Variants in SLC25A33 observed in about 807,000 individuals in gnomAD.
SLC25A33 encodes bone marrow stromal cell mitochondrial carrier protein.
Under a neutral mutation model 35.5 loss-of-function variants are expected in SLC25A33, and 15 were observed. The ratio of observed to expected loss-of-function variants is 0.42; its 90% CI spans 0.28 to 0.65. The LOEUF is 0.65. SLC25A33 is among the 30% of genes least tolerant of loss of function. The pLI is 0.20. For synonymous variants in SLC25A33, 136 were observed against 148.7 expected, an observed-to-expected ratio of 0.91 and a Z score of 0.62; for missense variants, 257 against 398.5, an observed-to-expected ratio of 0.64 and a Z score of 3.02.
At chr1:9,556,361 TG>T in intron 2 of SLC25A33, 1 of 569,174 alleles carries the variant, frequency 1.8e-6, no homozygotes, top group Non-Finnish European at 2.2e-6. Context: ...CCCAAAAGTG[TG>T]GGTGTCAATA....
chr1:9,581,289 G>A (rs1200874859), intron 6 of SLC25A33, among the ~76,000 whole-genome samples: 2 of 152,184 alleles, frequency 1.3e-5, no homozygotes, highest in Admixed American at 6.5e-5. Flanking sequence ...GCTGGGCAGA[G>A]TAGAAAACGT....
At chr1:9,581,675 G>A (rs1643746499) in intron 6 of SLC25A33, among the ~76,000 whole-genome samples, 1 of 150,296 alleles carries the variant, frequency 6.7e-6, no homozygotes, top group African/African-American at 2.5e-5. Flanking sequence ...GTTGCAGTGA[G>A]CCAAGATCGT....
chr1:9,541,779 T>C (rs1643086413), intron 1 of SLC25A33, among the ~76,000 whole-genome samples: 1 of 151,426 alleles, frequency 6.6e-6, no homozygotes, highest in Admixed American at 6.6e-5. Context: ...TTTGACTTAC[T>C]GTTTTTAGTG....
At chr1:9,560,476 A>G (rs1444917789) in intron 2 of SLC25A33, among the ~76,000 whole-genome samples, 2 of 151,868 alleles carry the variant, frequency 1.3e-5, no homozygotes, top group Non-Finnish European at 2.9e-5. Flanking sequence ...AGGCAGGAGA[A>G]TGGCATGAAC....
chr1:9,564,170 G>A (rs1283005025), intron 2 of SLC25A33, among the ~76,000 whole-genome samples: 2 of 152,152 alleles, frequency 1.3e-5, no homozygotes, highest in Non-Finnish European at 2.9e-5. Context: ...GAATAACTGT[G>A]TTGCTGCGGA....
chr1:9,544,950 A>G (rs1241469184), intron 1 of SLC25A33, among the ~76,000 whole-genome samples: 2 of 152,174 alleles, frequency 1.3e-5, no homozygotes, highest in African/African-American at 4.8e-5. Context: ...AAATTTTATG[A>G]CTTCTGATCA....
In SLC25A33 at chr1:9,582,621, A is replaced by G. The variant is rs1050954450; in HGVS notation, c.*120A>G. ...GGAAAGGCCATAAAATATCTGGTTCATATCACCTGTTGGACATTTCCTTTT... is the reference window on the plus strand; with the variant it reads ...GGAAAGGCCATAAAATATCTGGTTCGTATCACCTGTTGGACATTTCCTTTT... On this transcript the variant is annotated 3_prime_UTR_variant, in exon 7 of 7. Transcript: ENST00000302692. This position sits in a 1 kb window ranked among gnomAD's most constrained non-coding sequence, Gnocchi z 4.0. The G allele has an allele frequency of 1.1e-6, 1 of 911,248 alleles. No homozygotes were observed. Among genetic ancestry groups the G allele is most frequent in the Non-Finnish European group, 1.6e-6 (1 of 610,470 alleles). 56.4% of individuals were successfully genotyped at this position (911,248 alleles called of 1,614,324 possible).
chr1:9,560,835 G>A (rs1316156141), intron 2 of SLC25A33, among the ~76,000 whole-genome samples: 2 of 150,802 alleles, frequency 1.3e-5, no homozygotes, highest in African/African-American at 4.9e-5. Flanking sequence ...TATTAAATGT[G>A]CCAGAGTAAT....
At chr1:9,544,823 C>G (rs1643143406) in intron 1 of SLC25A33, among the ~76,000 whole-genome samples, 1 of 151,944 alleles carries the variant, frequency 6.6e-6, no homozygotes, top group Non-Finnish European at 1.5e-5. Flanking sequence ...TTTTAGTGCC[C>G]GATATGCATG....
rs1435838488 is a variant in SLC25A33, at chr1:9,541,957, G to A, written c.56+2210G>A. ...TGGGACTACAGGTGCCCGCCACCAC[G>A]CCCGGCTAATTTTGTATATTTTTAG... On this transcript the variant is annotated intron_variant, in intron 1 of 6. Transcript: ENST00000302692. 2.0e-5 allele frequency among the ~76,000 whole-genome samples: 3 copies of A among 151,950 alleles called. No individual in the cohort carries two copies. In the East Asian group the frequency reaches 5.8e-4, roughly 29 times the overall value.
intron 3 of SLC25A33, among the ~76,000 whole-genome samples, chr1:9,569,615 C>A (rs553067089): frequency 6.6e-6 from 1 of 152,236 alleles, no homozygotes; most frequent in South Asian, 2.1e-4. Context: ...CATTGACCAG[C>A]AGAAGAAAGA....
At chr1:9,547,999 A>C (rs530746218) in intron 1 of SLC25A33, among the ~76,000 whole-genome samples, 127 of 151,950 alleles carry the variant, frequency 8.4e-4, no homozygotes, top group Non-Finnish European at 1.5e-3. Flanking sequence ...GGCTGAGACT[A>C]GAGTAGCTGG....
chr1:9,571,796 GC>G (rs1643594144), intron 4 of SLC25A33, among the ~76,000 whole-genome samples: 3 of 151,996 alleles, frequency 2.0e-5, no homozygotes, highest in Admixed American at 1.3e-4. Context: ...ATGCCACCAT[GC>G]CCAGCTAATT....
chr1:9,553,529 G>C, intron 1 of SLC25A33, 97 bp from the exon 2 acceptor site: 1 of 1,428,730 alleles, frequency 7.0e-7, no homozygotes, highest in Admixed American at 1.9e-5. Context: ...CACCGCGCCC[G>C]GCACGTTCTA....
Position 9,578,140 on chromosome 1 carries a change from G to A in SLC25A33, c.483-1814G>A, listed in dbSNP as rs1218712742. On this transcript the variant is annotated intron_variant, in intron 5 of 6. Transcript: ENST00000302692. This position sits in a 1 kb window ranked among gnomAD's most constrained non-coding sequence, Gnocchi z 4.3. Reference sequence around the variant, plus strand: ...TCACCGTGTTAGCCAGGATGGTCTCGATCTCCTGACCTCGTGATCTGCCCA... The same window carrying A: ...TCACCGTGTTAGCCAGGATGGTCTCAATCTCCTGACCTCGTGATCTGCCCA... 2.0e-5 allele frequency among the ~76,000 whole-genome samples: 3 copies of A among 152,094 alleles called. No individual in the cohort carries two copies. Among genetic ancestry groups the A allele is most frequent in the Admixed American group, 6.6e-5 (1 of 15,262 alleles).
intron 2 of SLC25A33, among the ~76,000 whole-genome samples, chr1:9,562,093 A>G (rs1643431818): frequency 6.6e-6 from 1 of 150,812 alleles, no homozygotes; most frequent in South Asian, 2.1e-4. Flanking sequence ...CACGCCTGCA[A>G]TCCCAGCACT....
chr1:9,541,949 G>A (rs148555810), intron 1 of SLC25A33, among the ~76,000 whole-genome samples: 2,486 of 152,048 alleles, frequency 0.016, 31 homozygotes, highest in South Asian at 0.037. Flanking sequence ...ACAGGTGCCC[G>A]CCACCACGCC....
In SLC25A33 at chr1:9,578,735, T is replaced by G. The variant is rs535062458; in HGVS notation, c.483-1219T>G. 3.9e-5 allele frequency among the ~76,000 whole-genome samples: 6 copies of G among 152,332 alleles called. No homozygotes were observed. Among genetic ancestry groups the G allele is most frequent in the African/African-American group, 7.2e-5 (3 of 41,578 alleles). On this transcript the variant is annotated intron_variant, in intron 5 of 6. Coordinates refer to ENST00000302692, the MANE Select transcript of SLC25A33 (RefSeq NM_032315.3). This position sits in a 1 kb window ranked among gnomAD's most constrained non-coding sequence, Gnocchi z 4.3. Reference sequence around the variant, plus strand: ...GTCCTCCCGCCTTGGCCTCCCAAAGTGCTGGGATTACAGGTGTGAGCCACT... The same window carrying G: ...GTCCTCCCGCCTTGGCCTCCCAAAGGGCTGGGATTACAGGTGTGAGCCACT...
At chr1:9,564,103 A>G (rs1643464433) in intron 2 of SLC25A33, among the ~76,000 whole-genome samples, 1 of 152,222 alleles carries the variant, frequency 6.6e-6, no homozygotes, top group Non-Finnish European at 1.5e-5. Flanking sequence ...TAACAATGTA[A>G]ATTCTACTGG....
Sources: gnomAD v4.1 joint callset for allele counts (sites outside exome capture counted in the v4.1 genomes callset) on GRCh38, gnomAD v4.1.1 for gene constraint, Gnocchi (gnomAD v3.1) non-coding constraint, MANE v1.5 for transcripts, NCBI Gene and HGNC (gene_info 2026-07-23, HGNC 2026-07-21) for gene names.